RAB8B: variants seen among roughly 807,000 people sequenced by gnomAD.
The protein encoded by RAB8B is RAB8B, member RAS oncogene family, also known as ras-related protein Rab-8B.
In RAB8B, 11 loss-of-function variants were observed where a neutral mutation model predicts 32.0. That is an observed-to-expected ratio of 0.34 (90% CI 0.22 to 0.57). The LOEUF (loss-of-function observed/expected upper bound fraction) is 0.57, where lower values mean the gene tolerates loss of function less well. Ranked by LOEUF, RAB8B falls within the 20% of genes least tolerant of loss-of-function variation. The pLI, the probability that RAB8B is intolerant of heterozygous loss-of-function variation, is 0.86. For synonymous variants in RAB8B, 103 were observed against 89.6 expected, an observed-to-expected ratio of 1.15 and a Z score of -0.85; for missense variants, 190 against 258.5, an observed-to-expected ratio of 0.73 and a Z score of 1.82.
intron 1 of RAB8B, among the ~76,000 whole-genome samples, chr15:63,198,496 C>T (rs1292533134): frequency 1.3e-5 from 2 of 151,864 alleles, no homozygotes; most frequent in Admixed American, 6.6e-5. Flanking sequence ...GACAGCATTG[C>T]AGGATTTCAA....
At chr15:63,204,157 A>G (rs2037677922) in intron 1 of RAB8B, among the ~76,000 whole-genome samples, 1 of 152,136 alleles carries the variant, frequency 6.6e-6, no homozygotes, top group Admixed American at 6.5e-5. Flanking sequence ...GAGCGGGAGC[A>G]TTCATTTTGG....
At chr15:63,210,895 T>A (rs1345355696) in intron 1 of RAB8B, among the ~76,000 whole-genome samples, 3 of 152,234 alleles carry the variant, frequency 2.0e-5, no homozygotes, top group African/African-American at 7.2e-5. Context: ...TTGTCTCTCG[T>A]TAACATCACA....
chr15:63,205,884 C>A (rs927366451), intron 1 of RAB8B, among the ~76,000 whole-genome samples: 1 of 152,154 alleles, frequency 6.6e-6, no homozygotes, highest in Non-Finnish European at 1.5e-5. Flanking sequence ...GAGTTCAGTT[C>A]ATGGGCAGTA....
At position 63,266,346 on chromosome 15, in the gene RAB8B, G is replaced by A. The variant is rs964362429; in HGVS notation, c.*2727G>A. The A allele has an allele frequency of 6.6e-6, 1 of 152,488 alleles. No homozygotes were observed. The highest frequency in any genetic ancestry group is 1.5e-5 in the Non-Finnish European group (1 of 67,974). 9.4% of individuals were successfully genotyped at this position (152,488 alleles called of 1,614,324 possible). ...CATGTAAATCAGTTGATTGTAAAAC[G>A]TTTCGCTGGGAACTTATTTTAGCTA... On this transcript the variant is annotated 3_prime_UTR_variant, in exon 8 of 8. Coordinates refer to ENST00000321437, the MANE Select transcript of RAB8B (RefSeq NM_016530.3).
intron 2 of RAB8B, among the ~76,000 whole-genome samples, chr15:63,247,738 C>T (rs2038082899): frequency 6.6e-6 from 1 of 152,108 alleles, no homozygotes; most frequent in Admixed American, 6.5e-5. Context: ...CTTTTTTGAA[C>T]TCAGAACTGG....
chr15:63,191,602 C>T (rs2037556447), intron 1 of RAB8B, among the ~76,000 whole-genome samples: 1 of 152,216 alleles, frequency 6.6e-6, no homozygotes, highest in Non-Finnish European at 1.5e-5. Flanking sequence ...ATTTCAAAGC[C>T]TCAAATAACA....
At chr15:63,254,111 C>A (rs1437786835) in intron 3 of RAB8B, among the ~76,000 whole-genome samples, 2 of 152,214 alleles carry the variant, frequency 1.3e-5, no homozygotes, top group African/African-American at 4.8e-5. Flanking sequence ...CTCAATCCAG[C>A]GGTCTCTGGT....
chr15:63,235,452 T>G (rs1051900896), intron 1 of RAB8B, among the ~76,000 whole-genome samples: 1 of 152,132 alleles, frequency 6.6e-6, no homozygotes, highest in Non-Finnish European at 1.5e-5. Flanking sequence ...TTTCAAAAAC[T>G]TTTAGACCTA....
intron 1 of RAB8B, among the ~76,000 whole-genome samples, chr15:63,238,397 C>T (rs1349813646): frequency 6.6e-6 from 1 of 152,110 alleles, no homozygotes; most frequent in Non-Finnish European, 1.5e-5. Flanking sequence ...GCTGTGGTCA[C>T]AGTTCAGCAC....
At chr15:63,244,966 C>T in intron 2 of RAB8B, 150 bp downstream of exon 2, 1 of 679,562 alleles carries the variant, frequency 1.5e-6, no homozygotes, top group Middle Eastern at 3.7e-4. Context: ...CACTGGGAAT[C>T]CTTCAAAGGT....
chr15:63,190,093 A>C (rs1247500982), intron 1 of RAB8B, among the ~76,000 whole-genome samples: 1 of 151,548 alleles, frequency 6.6e-6, no homozygotes, highest in Non-Finnish European at 1.5e-5. Context: ...AAGACTCAGG[A>C]AATCTCATGT....
intron 2 of RAB8B, among the ~76,000 whole-genome samples, chr15:63,245,811 T>C (rs193054978): frequency 6.2e-4 from 94 of 152,336 alleles, no homozygotes; most frequent in African/African-American, 2.2e-3. Flanking sequence ...AAACACGAAA[T>C]TCATTTATGT....
intron 2 of RAB8B, among the ~76,000 whole-genome samples, chr15:63,247,085 A>G (rs556208053): frequency 1.3e-5 from 2 of 152,348 alleles, no homozygotes; most frequent in East Asian, 3.9e-4. Context: ...GAAACCCAAG[A>G]TCAGGGTGCC....
chr15:63,259,046 A>T lies in RAB8B; in HGVS notation c.415-581A>T, dbSNP rs555347920. The stretch of plus-strand genomic sequence containing the variant: ...ATTCTGCTACCTTAGGAGGGTGGGT[A>T]TTTATCCCATATTAGAGAACTAAAA... On this transcript the variant is annotated intron_variant, in intron 5 of 7. Coordinates refer to ENST00000321437, the MANE Select transcript of RAB8B (RefSeq NM_016530.3). This position sits in a 1 kb window ranked among gnomAD's most constrained non-coding sequence, Gnocchi z 4.4. Among the ~76,000 whole-genome samples the T allele has an allele frequency of 6.6e-6, 1 of 152,196 alleles. No homozygotes were observed. The highest frequency in any genetic ancestry group is 1.9e-4 in the East Asian group (1 of 5,186).
chr15:63,217,127 A>G (rs561385751), intron 1 of RAB8B, among the ~76,000 whole-genome samples: 1 of 152,300 alleles, frequency 6.6e-6, no homozygotes, highest in African/African-American at 2.4e-5. Context: ...ATATCTCATT[A>G]GATAAATCAT....
At chr15:63,258,142 C>T (rs1426398183) in intron 5 of RAB8B, among the ~76,000 whole-genome samples, 2 of 151,348 alleles carry the variant, frequency 1.3e-5, no homozygotes, top group South Asian at 2.1e-4. Flanking sequence ...ACTCTTGTCA[C>T]CCAGGCTGGA....
At chr15:63,213,638 T>G (rs2037765481) in intron 1 of RAB8B, among the ~76,000 whole-genome samples, 1 of 152,202 alleles carries the variant, frequency 6.6e-6, no homozygotes, top group African/African-American at 2.4e-5. Context: ...ATCTTCCTTC[T>G]GGTTATGGGG....
chr15:63,252,748 CTTT>C (rs71447327), intron 3 of RAB8B, among the ~76,000 whole-genome samples: 2 of 138,782 alleles, frequency 1.4e-5, no homozygotes, highest in African/African-American at 2.7e-5. Context: ...TTTACTTTGA[CTTT>C]TTTTTTTTTT....
At chr15:63,250,748 A>G (rs892276920) in intron 3 of RAB8B, among the ~76,000 whole-genome samples, 1 of 150,738 alleles carries the variant, frequency 6.6e-6, no homozygotes, top group Non-Finnish European at 1.5e-5. Flanking sequence ...GCCAAGCACA[A>G]GTTGGAGTCT....
Sources: allele counts gnomAD v4.1 joint callset (sites outside exome capture counted in the v4.1 genomes callset), GRCh38; gene constraint gnomAD v4.1.1; non-coding constraint Gnocchi (gnomAD v3.1); transcripts MANE v1.5; gene names NCBI Gene and HGNC (gene_info 2026-07-23, HGNC 2026-07-21).